PSAT1: variants seen among roughly 807,000 people sequenced by gnomAD.
The protein encoded by PSAT1 is phosphoserine aminotransferase.
In PSAT1, 41 loss-of-function variants were observed where a neutral mutation model predicts 40.3. That is an observed-to-expected ratio of 1.02 (90% CI 0.79 to 1.32). The LOEUF (loss-of-function observed/expected upper bound fraction) is 1.32, where lower values mean the gene tolerates loss of function less well. Among genes scored for constraint, PSAT1 ranks in the 40% most tolerant of loss-of-function variants. The pLI is 0.00. For missense variants in PSAT1, 406 were observed against 455.8 expected (o/e 0.89, Z 0.99); for synonymous variants, 147 against 170.5 (o/e 0.86, Z 1.07).
chr9:78,298,205 A>T, intron 1 of PSAT1: 1 of 615,490 alleles, frequency 1.6e-6, no homozygotes, highest in Non-Finnish European at 2.0e-6. Context: ...ACCCGCAGTG[A>T]AGAAGGCAAA....
At chr9:78,303,460 A>G (rs144346763) in intron 3 of PSAT1, among the ~76,000 whole-genome samples, 21 of 152,290 alleles carry the variant, frequency 1.4e-4, no homozygotes, top group Non-Finnish European at 2.2e-4. Context: ...CTGGGGTCCC[A>G]GTTCAATTTA....
chr9:78,319,936 C>G (rs1248149653), intron 7 of PSAT1, among the ~76,000 whole-genome samples: 1 of 152,014 alleles, frequency 6.6e-6, no homozygotes, highest in African/African-American at 2.4e-5. Flanking sequence ...ATTCATTCAT[C>G]TACTCACCCA....
At chr9:78,307,446 T>C (rs757108982) in intron 5 of PSAT1, among the ~76,000 whole-genome samples, 2 of 152,266 alleles carry the variant, frequency 1.3e-5, no homozygotes, top group Non-Finnish European at 2.9e-5. Context: ...TTAGATATAC[T>C]GTATTTGGTT....
At chr9:78,302,728 C>T (rs796716343) in intron 3 of PSAT1, among the ~76,000 whole-genome samples, 4 of 94,406 alleles carry the variant, frequency 4.2e-5, no homozygotes, top group Admixed American at 1.3e-4. Flanking sequence ...AGCGAGACTC[C>T]GTCTCAAAAA....
chr9:78,329,126 T>C lies in PSAT1; in HGVS notation c.*40T>C. The C allele has an allele frequency of 7.0e-7, 1 of 1,437,548 alleles. No homozygotes were observed. The highest frequency in any genetic ancestry group is 1.1e-5 in the South Asian group (1 of 87,410). 89.0% of individuals were successfully genotyped at this position (1,437,548 alleles called of 1,614,324 possible). Reference sequence around the variant, plus strand: ...GGATATACTCTGTTCTTGAACAACATACAAAGTTTAAAGTAACTTGGGGAT... The same window carrying C: ...GGATATACTCTGTTCTTGAACAACACACAAAGTTTAAAGTAACTTGGGGAT... On this transcript the variant is annotated 3_prime_UTR_variant, in exon 9 of 9. Coordinates refer to ENST00000376588, the MANE Select transcript of PSAT1 (RefSeq NM_058179.4).
rs200348070 is a variant in PSAT1, at chr9:78,304,954, G to A, written c.397+14G>A. On this transcript the variant is annotated intron_variant, in intron 4 of 8. Transcript: ENST00000376588. ...GGAGTTATACAAGTAAGTTCTGGGA[G>A]CTGAGCTGGGTGGTGACGTGCTCAA... is the stretch of plus-strand genomic sequence containing the variant. 1.4e-5 allele frequency: 23 copies of A among 1,611,506 alleles called. No homozygotes were observed. Among genetic ancestry groups the A allele is most frequent in the African/African-American group, 1.3e-5 (1 of 74,954 alleles).
At chr9:78,326,953 A>ATTTTTTT (rs1397133333) in intron 7 of PSAT1, among the ~76,000 whole-genome samples, 15 of 81,502 alleles carry the variant, frequency 1.8e-4, no homozygotes, top group African/African-American at 1.2e-3. Flanking sequence ...ATATATATAT[A>ATTTTTTT]TATTTTTTTT....
intron 3 of PSAT1, among the ~76,000 whole-genome samples, chr9:78,302,665 C>T (rs745413876): frequency 9.0e-5 from 13 of 144,558 alleles, no homozygotes; most frequent in East Asian, 2.1e-4. Flanking sequence ...ACCAGGGAGG[C>T]GGAGTTTGCA....
rs1367217417 is a variant in PSAT1, at chr9:78,329,837, G to T, written c.*751G>T. The T allele has an allele frequency of 6.6e-6, 1 of 152,084 alleles. No individual in the cohort carries two copies. The highest frequency in any genetic ancestry group is 6.6e-5 in the Admixed American group (1 of 15,264). The allele number at this position is 152,084 out of a possible 1,614,324, so 9.4% of individuals were successfully genotyped here. ...TCTTTTTAAGCTGTTTTATGAAAAA[G>T]ACCTAGAAGTTCTTGATTCATTTTT... On this transcript the variant is annotated 3_prime_UTR_variant, in exon 9 of 9. Transcript: ENST00000376588.
intron 3 of PSAT1, among the ~76,000 whole-genome samples, chr9:78,304,128 T>G (rs1451313126): frequency 6.6e-6 from 1 of 152,180 alleles, no homozygotes; most frequent in Non-Finnish European, 1.5e-5. Context: ...CCCAACTCAC[T>G]GGCTTAAGTA....
rs190682077 is a variant in PSAT1 at position 78,304,547 on chromosome 9, C to G, written c.192-188C>G. Among the ~76,000 whole-genome samples the G allele has an allele frequency of 5.6e-3, 850 of 152,266 alleles. 7 individuals are homozygous for G. The highest frequency in any genetic ancestry group is 0.038 in the South Asian group (182 of 4,830). ...TAACCCTAGGCTTTCAACACAGTCT[C>G]CAGTAAATAGTTGTCCAAGGATTGC... On this transcript the variant is annotated intron_variant, in intron 3 of 8. Coordinates refer to ENST00000376588, the MANE Select transcript of PSAT1 (RefSeq NM_058179.4).
intron 6 of PSAT1, among the ~76,000 whole-genome samples, chr9:78,316,787 C>A (rs1828351119): frequency 6.6e-6 from 1 of 152,128 alleles, no homozygotes; most frequent in African/African-American, 2.4e-5. Context: ...GGAGGGGGAG[C>A]CCGTCCTTTT....
intron 7 of PSAT1, among the ~76,000 whole-genome samples, chr9:78,323,539 C>T (rs75469618): frequency 0.022 from 3,399 of 152,198 alleles, 136 homozygotes; most frequent in African/African-American, 0.077. Flanking sequence ...GAGATTGGAC[C>T]ACTGCACTCC....
intron 7 of PSAT1, among the ~76,000 whole-genome samples, chr9:78,326,684 T>G (rs909035094): frequency 7.2e-5 from 11 of 152,004 alleles, no homozygotes; most frequent in African/African-American, 2.4e-4. Context: ...TAGAACACCT[T>G]AAAACTTAAG....
At chr9:78,297,848 TTAGCCAGCACTTAG>T (rs1280761900) in intron 1 of PSAT1, among the ~76,000 whole-genome samples, 1 of 152,202 alleles carries the variant, frequency 6.6e-6, no homozygotes, top group African/African-American at 2.4e-5. Flanking sequence ...AGTGTTTGCT[TTAGCCAGCACTTAG>T]GAACACTGCT....
intron 7 of PSAT1, among the ~76,000 whole-genome samples, chr9:78,321,494 AC>A (rs1371112028): frequency 6.6e-6 from 1 of 152,180 alleles, no homozygotes; most frequent in Non-Finnish European, 1.5e-5. Flanking sequence ...TTTGCAATTT[AC>A]CACCACCTTT....
At position 78,306,469 on chromosome 9, in the gene PSAT1, C is replaced by T; in HGVS notation, c.553C>T (p.Pro185Ser). Residue 185 changes from proline to serine, a missense_variant, in exon 5 of 9, where the codon CCA becomes TCA. Physicochemically the swap from Pro to Ser is moderately conservative, Grantham distance 74. Coordinates refer to ENST00000376588, the MANE Select transcript of PSAT1 (RefSeq NM_058179.4). ...CDMSSNFLSK[P>S]VDVSKFGVIF... ...CATGTCCTCAAACTTCCTGTCCAAGCCAGTGGATGTTTCCAAGGTAGAGTA... is the reference window on the plus strand; with the variant it reads ...CATGTCCTCAAACTTCCTGTCCAAGTCAGTGGATGTTTCCAAGGTAGAGTA... 6.2e-7 allele frequency: 1 copy of T among 1,614,132 alleles called. No individual in the cohort carries two copies. The highest frequency in any genetic ancestry group is 8.5e-7 in the Non-Finnish European group (1 of 1,180,032).
At chr9:78,303,394 G>T (rs1828135880) in intron 3 of PSAT1, among the ~76,000 whole-genome samples, 1 of 152,072 alleles carries the variant, frequency 6.6e-6, no homozygotes, top group Admixed American at 6.6e-5. Flanking sequence ...GTGGGTATTT[G>T]GAACATCAGC....
intron 5 of PSAT1, among the ~76,000 whole-genome samples, chr9:78,307,072 A>G (rs140752512): frequency 6.6e-6 from 1 of 152,340 alleles, no homozygotes; most frequent in African/African-American, 2.4e-5. Flanking sequence ...CATTTTAACC[A>G]TTTTTAAATA....
Sources: allele counts gnomAD v4.1 joint callset (sites outside exome capture counted in the v4.1 genomes callset), GRCh38; gene constraint gnomAD v4.1.1; transcripts MANE v1.5; gene names NCBI Gene and HGNC (gene_info 2026-07-23, HGNC 2026-07-21).